Variants in AP3D1 observed in about 807,000 individuals in gnomAD.
The protein encoded by AP3D1 is AP-3 complex subunit delta-1.
AP3D1 carries 51 observed loss-of-function variants against 147.6 expected under a neutral mutation model. The ratio of observed to expected loss-of-function variants is 0.35; its 90% CI spans 0.28 to 0.44. AP3D1 has a LOEUF of 0.44. AP3D1 is among the 20% of genes least tolerant of loss of function. The pLI, the probability that AP3D1 is intolerant of heterozygous loss-of-function variation, is 1.00. For missense variants in AP3D1, 1,421 were observed against 1,624.2 expected, an observed-to-expected ratio of 0.87 and a Z score of 2.15; for synonymous variants, 760 against 663.0, an observed-to-expected ratio of 1.15 and a Z score of -2.25.
chr19:2,142,636 G>C (rs2019251152), intron 1 of AP3D1, among the ~76,000 whole-genome samples: 1 of 152,218 alleles, frequency 6.6e-6, no homozygotes, highest in South Asian at 2.1e-4. Context: ...GTGGCCGCCT[G>C]GCTGAGGGGA....
rs760899718 is a variant in AP3D1, at chr19:2,109,200, A to G, written c.3358T>C (p.Phe1120Leu). The stretch of plus-strand genomic sequence containing the variant: ...TCCCCAGACTCCAGCAACTTAGCAA[A>G]GGCGTCACTGTGGGAGGGACAGGGA... ...LITTPCYSDA[F>L]AKLLESGDLS... Residue 1120 changes from phenylalanine to leucine, a missense_variant, in exon 30 of 32, where the codon TTT becomes CTT. Phe to Leu is a conservative substitution (Grantham distance 22). Around this residue, in one of 6 missense-constraint regions of AP3D1, gnomAD observed 791 missense variants for 761.4 expected, o/e 1.04. Coordinates refer to ENST00000643116, the MANE Select transcript of AP3D1 (RefSeq NM_001261826.3). The G allele has an allele frequency of 6.3e-7, 1 of 1,599,824 alleles. No individual in the cohort carries two copies. Among genetic ancestry groups the G allele is most frequent in the Non-Finnish European group, 8.5e-7 (1 of 1,174,164 alleles).
At chr19:2,162,328 A>T (rs2019720946) in intron 1 of AP3D1, among the ~76,000 whole-genome samples, 1 of 133,054 alleles carries the variant, frequency 7.5e-6, no homozygotes, top group Admixed American at 7.3e-5. Context: ...GAGCCACCGC[A>T]CCCGGCCCCT....
chr19:2,141,612 T>C (rs2019222127), intron 1 of AP3D1, among the ~76,000 whole-genome samples: 2 of 152,064 alleles, frequency 1.3e-5, no homozygotes, highest in Admixed American at 6.6e-5. Flanking sequence ...CAGCTAATTT[T>C]TGCATTTTTA....
intron 1 of AP3D1, among the ~76,000 whole-genome samples, chr19:2,148,734 T>G (rs2019428580): frequency 6.6e-6 from 1 of 152,224 alleles, no homozygotes; most frequent in Non-Finnish European, 1.5e-5. Context: ...TGGACTCGGA[T>G]CTCCCAAACC....
chr19:2,152,712 C>T (rs1006659781), upstream of AP3D1, among the ~76,000 whole-genome samples: 1 of 151,432 alleles, frequency 6.6e-6, no homozygotes. Flanking sequence ...CCCATCTCTA[C>T]TAAAAATACA....
At chr19:2,164,492 C>G (rs1286261294), upstream of AP3D1, 13 of 319,076 alleles carry the variant, frequency 4.1e-5, no homozygotes, top group Non-Finnish European at 1.7e-5. Context: ...GGAGCCGGCG[C>G]CCCCGAGCCC....
chr19:2,124,985 C>A (rs2018712600), intron 9 of AP3D1, among the ~76,000 whole-genome samples: 1 of 152,152 alleles, frequency 6.6e-6, no homozygotes, highest in Non-Finnish European at 1.5e-5. Flanking sequence ...ACTCCAGGGA[C>A]TTGTGGGAGG....
In AP3D1 at chr19:2,111,340, T is replaced by G. The variant is rs143612937; in HGVS notation, c.2938-8A>C. 1.7e-5 allele frequency: 28 copies of G among 1,613,692 alleles called. No individual in the cohort carries two copies. In the East Asian group the frequency reaches 4.9e-4, roughly 28 times the overall value. ...GGAGTAGCTGGACTCAGGCTGGAAATAGAAAAGGCGCATCAGCCTTGGGGG... is the reference window on the plus strand; with the variant it reads ...GGAGTAGCTGGACTCAGGCTGGAAAGAGAAAAGGCGCATCAGCCTTGGGGG... On this transcript the variant is annotated splice_region_variant and splice_polypyrimidine_tract_variant and intron_variant, in intron 25 of 31. Coordinates refer to ENST00000643116, the MANE Select transcript of AP3D1 (RefSeq NM_001261826.3).
chr19:2,110,610 G>A, intron 27 of AP3D1, 97 bp downstream of exon 27: 1 of 1,302,844 alleles, frequency 7.7e-7, no homozygotes. Flanking sequence ...AGGGGACATG[G>A]GGAGGAAGCA....
rs376591288 is a variant in AP3D1 at position 2,121,871 on chromosome 19, G to A, written c.964C>T (p.Leu322=). The A allele has an allele frequency of 1.0e-5, 16 of 1,607,322 alleles. No individual in the cohort carries two copies. Among genetic ancestry groups the A allele is most frequent in the Middle Eastern group, 1.7e-4 (1 of 6,034 alleles). Residue 322 remains leucine (L), a synonymous_variant, in exon 12 of 32, where the codon CTG becomes TTG. Coordinates refer to ENST00000643116, the MANE Select transcript of AP3D1 (RefSeq NM_001261826.3). The part of the protein sequence containing the change: ...IEDSDQNLKY[L]GLLAMSKILK... The stretch of plus-strand genomic sequence containing the variant: ...ATCTTGGACATTGCCAGCAGCCCCA[G>A]GTACTTCACTGCAGAGAGAGGCCAG...
At chr19:2,121,132 C>A (rs1376740365) in intron 13 of AP3D1, 31 bp downstream of exon 13, 6 of 1,613,656 alleles carry the variant, frequency 3.7e-6, no homozygotes, top group Non-Finnish European at 5.1e-6. Context: ...GCCACGGAAC[C>A]CCCGGCCACA....
chr19:2,157,080 T>TATCGATCTATCCACCCATCATCCATCC (rs2019651361), intron 1 of AP3D1, among the ~76,000 whole-genome samples: 1 of 147,882 alleles, frequency 6.8e-6, no homozygotes, highest in Non-Finnish European at 1.5e-5. Context: ...CCCATCCATC[T>TATCGATCTATCCACCCATCATCCATCC]ATCGATCTAT....
At chr19:2,143,546 G>A (rs1414844208) in intron 1 of AP3D1, among the ~76,000 whole-genome samples, 1 of 151,896 alleles carries the variant, frequency 6.6e-6, no homozygotes, top group Non-Finnish European at 1.5e-5. Context: ...GGCCAAGCCT[G>A]CCTAATTTTT....
intron 16 of AP3D1, 188 bp from the exon 17 acceptor site, chr19:2,116,934 G>A (rs2018472612): frequency 2.2e-6 from 2 of 913,360 alleles, no homozygotes; most frequent in East Asian, 2.8e-5. Context: ...CAGGAAGACT[G>A]CGGCAGGGTC....
intron 1 of AP3D1, among the ~76,000 whole-genome samples, chr19:2,159,739 C>G (rs1227877957): frequency 2.8e-5 from 4 of 142,764 alleles, no homozygotes; most frequent in East Asian, 2.1e-4. Flanking sequence ...CTTGTTCTGT[C>G]TCCCAGGCTG....
In AP3D1 at chr19:2,111,025, C is replaced by A. The variant is rs1159473175; in HGVS notation, c.2986-129G>T. 3.6e-6 allele frequency: 4 copies of A among 1,112,022 alleles called. No homozygotes were observed. In the African/African-American group the frequency reaches 6.3e-5, roughly 17 times the overall value. 68.9% of individuals were successfully genotyped at this position (1,112,022 alleles called of 1,614,324 possible). A position where few individuals can be genotyped will look rare whatever the true frequency, so the allele number is the denominator to read the frequency against. The stretch of plus-strand genomic sequence containing the variant: ...GCACAGGAAGGCACGGAGAGGGGCG[C>A]CCCCTAGCCGCAGGCCAAGCGCCTC... On this transcript the variant is annotated intron_variant, in intron 26 of 31. Transcript: ENST00000643116.
At chr19:2,150,863 G>A (rs931973200) in intron 1 of AP3D1, among the ~76,000 whole-genome samples, 1 of 152,200 alleles carries the variant, frequency 6.6e-6, no homozygotes, top group African/African-American at 2.4e-5. Flanking sequence ...CTCCTGGGAG[G>A]GTGGCCCGAG....
intron 8 of AP3D1, among the ~76,000 whole-genome samples, chr19:2,128,567 A>G (rs1287644204): frequency 1.1e-4 from 10 of 91,786 alleles, no homozygotes; most frequent in African/African-American, 4.5e-4. Context: ...CCGACACTGC[A>G]CCCCGTGGAG....
At chr19:2,115,136 G>C in intron 20 of AP3D1, 83 bp downstream of exon 20, 3 of 1,405,860 alleles carry the variant, frequency 2.1e-6, no homozygotes, top group African/African-American at 1.4e-5. Context: ...AAGACCATGG[G>C]GAGAGGCCAC....
Sources: allele counts gnomAD v4.1 joint callset (sites outside exome capture counted in the v4.1 genomes callset), GRCh38; gene constraint gnomAD v4.1.1; regional missense constraint gnomAD v4.1.1; transcripts MANE v1.5; gene names NCBI Gene and HGNC (gene_info 2026-07-23, HGNC 2026-07-21).